IYD: variants seen among roughly 807,000 people sequenced by gnomAD.
The protein encoded by IYD is iodotyrosine deiodinase.
In IYD, 25 loss-of-function variants were observed where a neutral mutation model predicts 28.4. That is an observed-to-expected ratio of 0.88 (90% confidence interval 0.64 to 1.23). The LOEUF (loss-of-function observed/expected upper bound fraction) is 1.23, where lower values mean the gene tolerates loss of function less well. IYD is among the 50% of genes most tolerant of loss of function. The probability of loss-of-function intolerance (pLI) is 0.00; values close to 1 mark genes in which losing one functional copy is unlikely to be tolerated. For missense variants in IYD, 352 were observed against 357.9 expected, an observed-to-expected ratio of 0.98 and a Z score of 0.13; for synonymous variants, 140 against 130.8, an observed-to-expected ratio of 1.07 and a Z score of -0.48.
At position 150,380,512 on chromosome 6, in the gene IYD, G is replaced by A. The variant is rs1777608357; in HGVS notation, c.179-8840G>A. On this transcript the variant is annotated intron_variant, in intron 1 of 4. Transcript: ENST00000344419. Reference sequence around the variant, plus strand: ...CTTACATAACCCAAGGGTTAGCTGAGCTCATCCTATTTAGAAAAAAATAAA... The same window carrying A: ...CTTACATAACCCAAGGGTTAGCTGAACTCATCCTATTTAGAAAAAAATAAA... 2.0e-5 allele frequency among the ~76,000 whole-genome samples: 3 copies of A among 152,214 alleles called. 1 individual carries two copies. The South Asian group carries it at 6.2e-4, about 32-fold the overall frequency.
chr6:150,392,570 C>CTGTG, intron 3 of IYD, 66 bp downstream of exon 3: 8 of 1,488,550 alleles, frequency 5.4e-6, no homozygotes, highest in Middle Eastern at 1.9e-4. Context: ...CCACCACCAC[C>CTGTG]ATGTCCTGGC....
In IYD at chr6:150,405,121, C is replaced by G. The variant is rs567080387; in HGVS notation, c.*6884C>G. ...TGGGAATCTGTGTTTTTAACGTGTT[C>G]CAGGTGATTCTGCTGACCAGGTGAG... On this transcript the variant is annotated 3_prime_UTR_variant, in exon 5 of 5. Coordinates refer to ENST00000344419, the MANE Select transcript of IYD (RefSeq NM_203395.3). The G allele has an allele frequency of 6.6e-6, 1 of 152,276 alleles. No individual in the cohort carries two copies. Among genetic ancestry groups the G allele is most frequent in the South Asian group, 2.1e-4 (1 of 4,822 alleles). The allele number at this position is 152,276 out of a possible 1,614,324, so 9.4% of individuals were successfully genotyped here.
chr6:150,369,246 G>A (rs188651474), intron 1 of IYD, 37 bp downstream of exon 1: 20 of 1,598,416 alleles, frequency 1.3e-5, no homozygotes, highest in African/African-American at 2.7e-5. Flanking sequence ...CTTCGCTGTC[G>A]TGTTGTGTTG....
intron 4 of IYD, chr6:150,395,503 C>T (rs763820757): frequency 1.7e-4 from 262 of 1,537,192 alleles, no homozygotes; most frequent in Non-Finnish European, 2.2e-4. Context: ...GCACCGCCAC[C>T]TGATTGAGGG....
chr6:150,382,093 C>T (rs762205087), intron 1 of IYD, among the ~76,000 whole-genome samples: 11 of 152,138 alleles, frequency 7.2e-5, no homozygotes, highest in Non-Finnish European at 1.3e-4. Flanking sequence ...CTGTCGGCCT[C>T]TTGCAGGAAT....
rs529594398 is a variant in IYD at position 150,390,281 on chromosome 6, T to C, written c.370+738T>C. Among the ~76,000 whole-genome samples the C allele has an allele frequency of 1.3e-4, 20 of 152,294 alleles. No individual in the cohort carries two copies. In the South Asian group the frequency reaches 2.7e-3, roughly 21 times the overall value. ...ACTTTACTTCAGTTAGAAATACAAA[T>C]ACATTAGATTGTTGAGTCCTTAGCC... On this transcript the variant is annotated intron_variant, in intron 2 of 4. Transcript: ENST00000344419.
At position 150,399,942 on chromosome 6, in the gene IYD, C is replaced by G. The variant is rs1778459761; in HGVS notation, c.*1705C>G. ...TTCAACATATGAATTGCGGGGGACA[C>G]AAACATTCCGTCCATGGCACCTACT... On this transcript the variant is annotated 3_prime_UTR_variant, in exon 5 of 5. Coordinates refer to ENST00000344419, the MANE Select transcript of IYD (RefSeq NM_203395.3). The G allele has an allele frequency of 6.6e-6, 1 of 152,292 alleles. No homozygotes were observed. The highest frequency in any genetic ancestry group is 2.1e-4 in the South Asian group (1 of 4,834). The allele number at this position is 152,292 out of a possible 1,614,324, so 9.4% of individuals were successfully genotyped here. A position where few individuals can be genotyped will look rare whatever the true frequency, so the allele number is the denominator to read the frequency against.
At chr6:150,369,606 T>C (rs184128705) in intron 1 of IYD, among the ~76,000 whole-genome samples, 77 of 152,292 alleles carry the variant, frequency 5.1e-4, no homozygotes, top group African/African-American at 1.6e-3. Flanking sequence ...CTGCTACCTT[T>C]CCCTGTGCCA....
At chr6:150,385,239 T>C (rs1328921254) in intron 1 of IYD, 1 of 152,200 alleles carries the variant, frequency 6.6e-6, no homozygotes, top group African/African-American at 2.4e-5. Context: ...CTAAAAGCTT[T>C]AAAAATTAAT....
intron 4 of IYD, 29 bp from the exon 5 acceptor site, chr6:150,398,026 T>C: frequency 6.2e-7 from 1 of 1,611,844 alleles, no homozygotes; most frequent in Non-Finnish European, 8.5e-7. Flanking sequence ...CTGCTGACTT[T>C]AAAATGCTTT....
intron 4 of IYD, chr6:150,395,345 G>A (rs1778271686): frequency 7.5e-7 from 1 of 1,327,346 alleles, no homozygotes. Context: ...AGAAAAACAT[G>A]TATGTTGAAT....
At position 150,405,572 on chromosome 6, in the gene IYD, C is replaced by T. The variant is rs72998974; in HGVS notation, c.*7335C>T. ...CATGGCAGAAAGAAAAGCAAACATGCCCTTCTTCACATGGTGACAGGAAGC... is the reference window on the plus strand; with the variant it reads ...CATGGCAGAAAGAAAAGCAAACATGTCCTTCTTCACATGGTGACAGGAAGC... On this transcript the variant is annotated 3_prime_UTR_variant, in exon 5 of 5. Coordinates refer to ENST00000344419, the MANE Select transcript of IYD (RefSeq NM_203395.3). 0.047 allele frequency: 7,082 copies of T among 152,246 alleles called. 188 individuals are homozygous for T. Among genetic ancestry groups the T allele is most frequent in the Middle Eastern group, 0.065 (19 of 294 alleles). The allele number at this position is 152,246 out of a possible 1,614,324, so 9.4% of individuals were successfully genotyped here. A position where few individuals can be genotyped will look rare whatever the true frequency, so the allele number is the denominator to read the frequency against.
Position 150,398,064 on chromosome 6 carries a change from C to T in IYD, c.697C>T (p.Leu233=), listed in dbSNP as rs755037990. 2 of 1,614,166 alleles carry T rather than the reference C, an allele frequency of 1.2e-6. No individual in the cohort carries two copies. Among genetic ancestry groups the T allele is most frequent in the Admixed American group, 3.3e-5 (2 of 60,026 alleles). The part of the protein sequence containing the change: ...ILLAALQNAG[L]VTVTTTPLNC... Reference sequence around the variant, plus strand: ...TGTCCTCTTATTTTAGAATGCAGGTCTGGTGACTGTCACTACCACTCCTCT... The same window carrying T: ...TGTCCTCTTATTTTAGAATGCAGGTTTGGTGACTGTCACTACCACTCCTCT... Residue 233 remains leucine (L), a synonymous_variant, in exon 5 of 5, where the codon CTG becomes TTG. Transcript: ENST00000344419.
At chr6:150,389,135 G>T (rs1778013970) in intron 1 of IYD, among the ~76,000 whole-genome samples, 2 of 152,204 alleles carry the variant, frequency 1.3e-5, no homozygotes, top group African/African-American at 4.8e-5. Flanking sequence ...CTCCAGAGCA[G>T]CTGGGAATAC....
Position 150,369,938 on chromosome 6 carries a change from G to A in IYD, c.178+729G>A, listed in dbSNP as rs189449537. Reference sequence around the variant, plus strand: ...GGAGAATTGAGGGTGGAGGGAGAGGGTAAGAATGGAAGTAGAGAATTGAGG... The same window carrying A: ...GGAGAATTGAGGGTGGAGGGAGAGGATAAGAATGGAAGTAGAGAATTGAGG... On this transcript the variant is annotated intron_variant, in intron 1 of 4. Coordinates refer to ENST00000344419, the MANE Select transcript of IYD (RefSeq NM_203395.3). 1,729 of 701,812 alleles carry A rather than the reference G, an allele frequency of 2.5e-3. 2 individuals carry two copies. The highest frequency in any genetic ancestry group is 3.3e-3 in the Non-Finnish European group (1,274 of 384,550). 43.5% of individuals were successfully genotyped at this position (701,812 alleles called of 1,614,324 possible).
chr6:150,400,744 A>G lies in IYD; in HGVS notation c.*2507A>G, dbSNP rs1267809891. 6.6e-6 allele frequency: 1 copy of G among 152,214 alleles called. No homozygotes were observed. The highest frequency in any genetic ancestry group is 1.5e-5 in the Non-Finnish European group (1 of 68,036). The allele number at this position is 152,214 out of a possible 1,614,324, so 9.4% of individuals were successfully genotyped here. ...TTAGAATCAAAGACTCTCAGGCCTC[A>G]CCTAGACATCCAGAATCAAAATCTG... On this transcript the variant is annotated 3_prime_UTR_variant, in exon 5 of 5. Transcript: ENST00000344419.
In IYD at chr6:150,403,439, A is replaced by C. The variant is rs1562327988; in HGVS notation, c.*5202A>C. The C allele has an allele frequency of 6.6e-6, 1 of 152,234 alleles. No individual in the cohort carries two copies. Among genetic ancestry groups the C allele is most frequent in the Non-Finnish European group, 1.5e-5 (1 of 68,048 alleles). 9.4% of individuals were successfully genotyped at this position (152,234 alleles called of 1,614,324 possible). On this transcript the variant is annotated 3_prime_UTR_variant, in exon 5 of 5. Transcript: ENST00000344419. ...GCCCACAAAATAGGCTGGACACTCA[A>C]AAAACGTTGCGTTTATCTACCTTTT...
At chr6:150,379,623 A>G (rs1355598528) in intron 1 of IYD, among the ~76,000 whole-genome samples, 1 of 152,246 alleles carries the variant, frequency 6.6e-6, no homozygotes, top group Admixed American at 6.5e-5. Context: ...CCAAAGAGGA[A>G]AATTGTTACC....
intron 1 of IYD, among the ~76,000 whole-genome samples, chr6:150,371,694 G>A (rs1186910166): frequency 6.6e-6 from 1 of 152,156 alleles, no homozygotes; most frequent in Admixed American, 6.5e-5. Flanking sequence ...TTATACAGAG[G>A]AATGAACAGG....
Sources: allele counts gnomAD v4.1 joint callset (sites outside exome capture counted in the v4.1 genomes callset), GRCh38; gene constraint gnomAD v4.1.1; transcripts MANE v1.5; gene names NCBI Gene and HGNC (gene_info 2026-07-23, HGNC 2026-07-21).